RAB11FIP3: variants seen among roughly 807,000 people sequenced by gnomAD.
RAB11FIP3 encodes RAB11 family interacting protein 3.
A neutral mutation model predicts 77.8 loss-of-function variants in RAB11FIP3; 17 were observed. The observed-to-expected ratio is 0.22, with a 90% confidence interval of 0.15 to 0.33. The LOEUF (loss-of-function observed/expected upper bound fraction) is 0.33, where lower values mean the gene tolerates loss of function less well. Ranked by LOEUF, RAB11FIP3 falls within the 10% of genes least tolerant of loss-of-function variation. RAB11FIP3 has a pLI of 1.00. For synonymous variants in RAB11FIP3, 437 were observed against 448.2 expected (o/e 0.98, Z 0.31); for missense variants, 1,005 against 1,011.2 (o/e 0.99, Z 0.08).
At chr16:449,213 C>T (rs117082297) in intron 1 of RAB11FIP3, among the ~76,000 whole-genome samples, 2,863 of 152,268 alleles carry the variant, frequency 0.019, 35 homozygotes, top group Non-Finnish European at 0.03. Flanking sequence ...AGTAGCTATT[C>T]CCTCTGCCTG....
intron 1 of RAB11FIP3, among the ~76,000 whole-genome samples, chr16:437,267 G>A (rs1191534061): frequency 6.7e-6 from 1 of 148,654 alleles, no homozygotes; most frequent in Non-Finnish European, 1.5e-5. Flanking sequence ...GACAGAGGGA[G>A]ACTCTGTCTC....
chr16:509,321 G>A (rs1039077945), intron 8 of RAB11FIP3, among the ~76,000 whole-genome samples: 3 of 152,266 alleles, frequency 2.0e-5, no homozygotes, highest in African/African-American at 4.8e-5. Flanking sequence ...CGCGGAGGCC[G>A]CTGGCTCGGG....
At chr16:486,423 G>A (rs190664537) in intron 4 of RAB11FIP3, among the ~76,000 whole-genome samples, 1 of 152,284 alleles carries the variant, frequency 6.6e-6, no homozygotes, top group Admixed American at 6.5e-5. Flanking sequence ...ACCCAGAGAG[G>A]CAGAGTTTGC....
intron 3 of RAB11FIP3, among the ~76,000 whole-genome samples, chr16:481,839 C>T (rs1333280628): frequency 3.1e-4 from 23 of 74,132 alleles, no homozygotes; most frequent in African/African-American, 1.0e-3. Flanking sequence ...CAGGTGCCAC[C>T]ACACCTGGGC....
chr16:475,766 G>A (rs934826773), intron 3 of RAB11FIP3, among the ~76,000 whole-genome samples: 2 of 152,196 alleles, frequency 1.3e-5, no homozygotes, highest in African/African-American at 4.8e-5. Flanking sequence ...CACCGAAGCC[G>A]CTGAGGAGTG....
chr16:438,269 G>A (rs185695873), intron 1 of RAB11FIP3, among the ~76,000 whole-genome samples: 85 of 151,072 alleles, frequency 5.6e-4, no homozygotes, highest in African/African-American at 2.0e-3. Flanking sequence ...CACCATGCCC[G>A]GCTACTTTTT....
intron 8 of RAB11FIP3, chr16:510,434 A>T (rs2032085820): frequency 1.9e-6 from 1 of 534,178 alleles, no homozygotes; most frequent in African/African-American, 1.9e-5. Flanking sequence ...TGCAGTGGAC[A>T]CTGCTCCGGC....
At chr16:446,272 A>G (rs558317518) in intron 1 of RAB11FIP3, among the ~76,000 whole-genome samples, 41 of 152,158 alleles carry the variant, frequency 2.7e-4, no homozygotes, top group African/African-American at 8.2e-4. Context: ...TAATAAAATA[A>G]AGATCACCCT....
intron 1 of RAB11FIP3, among the ~76,000 whole-genome samples, chr16:448,444 A>C (rs1430219506): frequency 6.6e-6 from 1 of 151,574 alleles, no homozygotes; most frequent in Non-Finnish European, 1.5e-5. Flanking sequence ...TCTACTAAAA[A>C]TACAAAATTA....
intron 6 of RAB11FIP3, among the ~76,000 whole-genome samples, chr16:501,408 A>G (rs1285696632): frequency 6.7e-6 from 1 of 150,220 alleles, no homozygotes; most frequent in African/African-American, 2.5e-5. Flanking sequence ...TTCATAGGCA[A>G]GGAAGCTGGG....
chr16:447,166 G>A (rs2055330927), intron 1 of RAB11FIP3, among the ~76,000 whole-genome samples: 1 of 152,030 alleles, frequency 6.6e-6, no homozygotes, highest in African/African-American at 2.4e-5. Flanking sequence ...TTAGCCAAGT[G>A]TGATGGTTTA....
chr16:486,781 G>A (rs942937930), intron 4 of RAB11FIP3, among the ~76,000 whole-genome samples: 7 of 152,168 alleles, frequency 4.6e-5, no homozygotes, highest in Non-Finnish European at 1.0e-4. Flanking sequence ...TGAGCCCCTC[G>A]TCATTGCTTC....
At chr16:443,639 C>T (rs1454837913) in intron 1 of RAB11FIP3, among the ~76,000 whole-genome samples, 2 of 152,174 alleles carry the variant, frequency 1.3e-5, no homozygotes, top group Non-Finnish European at 2.9e-5. Context: ...GATCTTGGCT[C>T]ACTGCAACCT....
chr16:485,386 C>T (rs867113645), intron 4 of RAB11FIP3, among the ~76,000 whole-genome samples: 16 of 150,854 alleles, frequency 1.1e-4, no homozygotes, highest in Admixed American at 3.3e-4. Flanking sequence ...TGTGGGTCTC[C>T]TTTTCACCTT....
chr16:438,025 C>A (rs1257565037), intron 1 of RAB11FIP3, among the ~76,000 whole-genome samples: 1 of 150,652 alleles, frequency 6.6e-6, no homozygotes, highest in African/African-American at 2.4e-5. Flanking sequence ...GCCAGGCTGG[C>A]CTTGAACTCC....
intron 2 of RAB11FIP3, among the ~76,000 whole-genome samples, chr16:465,703 A>G (rs1279104492): frequency 1.3e-5 from 2 of 152,070 alleles, no homozygotes; most frequent in African/African-American, 2.4e-5. Flanking sequence ...TGCGTCTCCC[A>G]GGTTCAAGCG....
chr16:505,693 TTTAC>T lies in RAB11FIP3; in HGVS notation c.1499+69_1499+72del. Reference sequence around the variant, plus strand: ...TCCTGTGCCCGCCTGTCAGCCCCCATTTACTTCTCTTTACCTCACACAGCAGGGG... The same window carrying T: ...TCCTGTGCCCGCCTGTCAGCCCCCATTTCTCTTTACCTCACACAGCAGGGG... On this transcript the variant is annotated intron_variant, in intron 8 of 13. Coordinates refer to ENST00000262305, the MANE Select transcript of RAB11FIP3 (RefSeq NM_014700.4). The surrounding 1 kb of genome is among the most constrained non-coding windows in gnomAD (Gnocchi z 4.0). 7.7e-7 allele frequency: 1 copy of T among 1,299,672 alleles called. No individual in the cohort carries two copies. Among genetic ancestry groups the T allele is most frequent in the Non-Finnish European group, 1.1e-6 (1 of 943,426 alleles). 80.5% of individuals were successfully genotyped at this position (1,299,672 alleles called of 1,614,324 possible).
chr16:486,733 G>A (rs1807530130), intron 4 of RAB11FIP3, among the ~76,000 whole-genome samples: 2 of 152,308 alleles, frequency 1.3e-5, no homozygotes, highest in South Asian at 2.1e-4. Context: ...AGGAAGAAGT[G>A]TCCTGAGGAG....
At chr16:510,202 C>T (rs13334932) in intron 8 of RAB11FIP3, among the ~76,000 whole-genome samples, 472 of 148,198 alleles carry the variant, frequency 3.2e-3, no homozygotes, top group Non-Finnish European at 5.6e-3. Context: ...GGGCTCTGAG[C>T]GCACGCGTTG....
Sources: allele counts gnomAD v4.1 joint callset (sites outside exome capture counted in the v4.1 genomes callset), GRCh38; gene constraint gnomAD v4.1.1; non-coding constraint Gnocchi (gnomAD v3.1); transcripts MANE v1.5; gene names NCBI Gene and HGNC (gene_info 2026-07-23, HGNC 2026-07-21).